The following LRRC9 variants were observed in gnomAD, a reference collection of about 807,000 sequenced individuals.
LRRC9 encodes the protein leucine-rich repeat-containing protein 9.
A neutral mutation model predicts 63.2 loss-of-function variants in LRRC9; 122 were observed. That is an observed-to-expected ratio of 1.93 (90% CI 1.67 to 2.24). LRRC9 has a LOEUF of 2.24. LRRC9 is among the 30% of genes most tolerant of loss of function. The pLI is 0.00. For synonymous variants in LRRC9, 366 were observed against 213.1 expected (o/e 1.72, Z -6.25); for missense variants, 1,071 against 627.7 (o/e 1.71, Z -7.55).
chr14:59,999,286 A>C, intron 19 of LRRC9, 60 bp downstream of exon 19: 1 of 620,722 alleles, frequency 1.6e-6, no homozygotes, highest in Admixed American at 2.6e-5. Flanking sequence ...AATATTTTGC[A>C]TACTCTTTTT....
intron 1 of LRRC9, among the ~76,000 whole-genome samples, chr14:59,920,602 T>A (rs1032127298): frequency 6.6e-6 from 1 of 151,984 alleles, no homozygotes; most frequent in African/African-American, 2.4e-5. Context: ...ATCTAGAGAG[T>A]GTAGGGGGTT....
At position 60,051,296 on chromosome 14, in the gene LRRC9, C is replaced by T. The variant is rs922672078; in HGVS notation, c.3991-1769C>T. On this transcript the variant is annotated intron_variant, in intron 29 of 31. Coordinates refer to ENST00000445360, the Ensembl canonical transcript of LRRC9. This position sits in a 1 kb window ranked among gnomAD's most constrained non-coding sequence, Gnocchi z 4.7. Reference sequence around the variant, plus strand: ...GGCTGGAGTGACTCCAGGCCCCCCACAAGGGGGCCCCGCCCAGTGAGGAAG... The same window carrying T: ...GGCTGGAGTGACTCCAGGCCCCCCATAAGGGGGCCCCGCCCAGTGAGGAAG... 2.0e-5 allele frequency among the ~76,000 whole-genome samples: 3 copies of T among 152,214 alleles called. No homozygotes were observed. In the South Asian group the frequency reaches 6.2e-4, roughly 31 times the overall value.
intron 30 of LRRC9, 171 bp from the exon 31 acceptor site, chr14:60,057,707 G>A: frequency 2.7e-6 from 1 of 369,846 alleles, no homozygotes; most frequent in Non-Finnish European, 4.8e-6. Context: ...TCCCCAAAAA[G>A]CTCTGCTGAT....
intron 17 of LRRC9, among the ~76,000 whole-genome samples, chr14:59,994,885 T>C (rs918946695): frequency 2.0e-5 from 3 of 151,836 alleles, no homozygotes; most frequent in African/African-American, 7.3e-5. Context: ...GGGGGAGGGA[T>C]AGCATTTGGA....
chr14:59,947,257 GTGA>G (rs1432291791), intron 8 of LRRC9, among the ~76,000 whole-genome samples: 1 of 146,484 alleles, frequency 6.8e-6, no homozygotes, highest in Non-Finnish European at 1.5e-5. Context: ...CTGATGGCCA[GTGA>G]TGATGAGCAT....
At chr14:59,921,178 C>T (rs918629797) in intron 1 of LRRC9, among the ~76,000 whole-genome samples, 1 of 152,056 alleles carries the variant, frequency 6.6e-6, no homozygotes, top group Admixed American at 6.5e-5. Context: ...TGCCAAAGTA[C>T]AGAAACATCC....
chr14:59,999,862 C>A (rs939496731), intron 19 of LRRC9, among the ~76,000 whole-genome samples: 13 of 151,914 alleles, frequency 8.6e-5, no homozygotes, highest in African/African-American at 2.4e-4. Flanking sequence ...TAATAACACT[C>A]CTAAAGAAGA....
chr14:59,987,274 T>C (rs1298988298), intron 17 of LRRC9, among the ~76,000 whole-genome samples: 1 of 151,400 alleles, frequency 6.6e-6, no homozygotes, highest in East Asian at 2.0e-4. Flanking sequence ...CACAATAGTT[T>C]GGTTTTGCCA....
rs538196749 is a variant in LRRC9 at position 60,017,700 on chromosome 14, T to C, written c.3318-671T>C. On this transcript the variant is annotated intron_variant, in intron 24 of 31. Transcript: ENST00000445360. The surrounding 1 kb of genome is among the most constrained non-coding windows in gnomAD (Gnocchi z 4.0). Reference sequence around the variant, plus strand: ...AATGACTTATTAGTGGGTAAAAGTATGTCATAATTGTAACTTCAAGTTTAG... The same window carrying C: ...AATGACTTATTAGTGGGTAAAAGTACGTCATAATTGTAACTTCAAGTTTAG... Among the ~76,000 whole-genome samples, 4 of 152,276 alleles carry C rather than the reference T, an allele frequency of 2.6e-5. No homozygotes were observed. In the South Asian group the frequency reaches 6.2e-4, roughly 24 times the overall value.
chr14:59,935,891 T>G (rs1417680622), intron 6 of LRRC9, among the ~76,000 whole-genome samples: 4 of 152,212 alleles, frequency 2.6e-5, no homozygotes, highest in Non-Finnish European at 5.9e-5. Context: ...GAAGATTAGT[T>G]CAGGGTTCTG....
intron 17 of LRRC9, 62 bp downstream of exon 17, chr14:59,985,286 G>C (rs1258363644): frequency 1.8e-6 from 1 of 561,222 alleles, no homozygotes; most frequent in African/African-American, 1.8e-5. Flanking sequence ...TAGAATGGTG[G>C]TTATCAGGGC....
At chr14:60,048,930 C>T (rs573860835) in intron 29 of LRRC9, among the ~76,000 whole-genome samples, 18 of 152,296 alleles carry the variant, frequency 1.2e-4, no homozygotes, top group Non-Finnish European at 1.9e-4. Flanking sequence ...AAAGGCTTAT[C>T]CACCATGATC....
At position 59,975,116 on chromosome 14, in the gene LRRC9, T is replaced by TATATATATATATATATAC. The variant is rs1566833605; in HGVS notation, c.1639+418_1639+419insATATATACATATATATAT. ...ATATATATATACATATATATATGTA[T>TATATATATATATATATAC]ATATATATATGTATATATATATACA... On this transcript the variant is annotated intron_variant, in intron 13 of 31. Coordinates refer to ENST00000445360, the Ensembl canonical transcript of LRRC9. Among the ~76,000 whole-genome samples, 8 of 17,940 alleles carry TATATATATATATATATAC rather than the reference T, an allele frequency of 4.5e-4. 1 individual carries two copies. Among genetic ancestry groups the TATATATATATATATATAC allele is most frequent in the African/African-American group, 6.7e-4 (8 of 11,910 alleles). 11.8% of individuals were successfully genotyped at this position (17,940 alleles called of 152,430 possible). A position where few individuals can be genotyped will look rare whatever the true frequency, so the allele number is the denominator to read the frequency against.
chr14:60,065,929 T>C (rs574766667), downstream of LRRC9, among the ~76,000 whole-genome samples: 9 of 152,086 alleles, frequency 5.9e-5, no homozygotes, highest in East Asian at 3.9e-4. Context: ...GATTTCTATA[T>C]ATAAAATTAA....
intron 12 of LRRC9, among the ~76,000 whole-genome samples, chr14:59,970,284 A>G (rs1054648116): frequency 3.3e-5 from 5 of 151,994 alleles, no homozygotes; most frequent in South Asian, 2.1e-4. Flanking sequence ...GTTCCTGGAA[A>G]GGCTGCATAG....
At chr14:59,975,400 AT>A (rs1886162764) in intron 13 of LRRC9, among the ~76,000 whole-genome samples, 1 of 151,770 alleles carries the variant, frequency 6.6e-6, no homozygotes, top group Non-Finnish European at 1.5e-5. Context: ...ATATAAGATA[AT>A]TTTTTGATAA....
chr14:59,956,513 T>C (rs1344487356), intron 8 of LRRC9, among the ~76,000 whole-genome samples: 1 of 152,214 alleles, frequency 6.6e-6, no homozygotes, highest in Non-Finnish European at 1.5e-5. Context: ...CATCCCTTTA[T>C]TTTGAGCCTA....
At chr14:59,955,093 C>A (rs529869837) in intron 8 of LRRC9, among the ~76,000 whole-genome samples, 1 of 152,020 alleles carries the variant, frequency 6.6e-6, no homozygotes, top group African/African-American at 2.4e-5. Context: ...GGGTTATTGG[C>A]CTGATATTTT....
At chr14:60,032,158 C>T (rs219409) in intron 29 of LRRC9, 95 bp downstream of exon 29, 516,793 of 592,662 alleles carry the variant, frequency 0.87, 226,570 homozygotes, top group East Asian at 0.92. Flanking sequence ...TAGTTTTATG[C>T]TTCTGTATGC....
Sources: allele counts gnomAD v4.1 joint callset (sites outside exome capture counted in the v4.1 genomes callset), GRCh38; gene constraint gnomAD v4.1.1; non-coding constraint Gnocchi (gnomAD v3.1); transcripts MANE v1.5; gene names NCBI Gene and HGNC (gene_info 2026-07-23, HGNC 2026-07-21).